The following KIRREL3 variants were observed in gnomAD, a reference collection of about 807,000 sequenced individuals.
The protein encoded by KIRREL3 is kin of IRRE-like protein 3.
A neutral mutation model predicts 89.7 loss-of-function variants in KIRREL3; 36 were observed. That is an observed-to-expected ratio of 0.40 (90% confidence interval 0.31 to 0.53). KIRREL3 has a LOEUF of 0.53. Ranked by LOEUF, KIRREL3 falls within the 20% of genes least tolerant of loss-of-function variation. The pLI, the probability that KIRREL3 is intolerant of heterozygous loss-of-function variation, is 0.49. For missense variants in KIRREL3, 864 were observed against 1,056.6 expected (o/e 0.82, Z 2.53); for synonymous variants, 445 against 441.4 (o/e 1.01, Z -0.10).
In KIRREL3 at chr11:126,531,812, CT is replaced by C. The variant is rs537516421; in HGVS notation, c.134-5126del. On this transcript the variant is annotated intron_variant, in intron 2 of 16. Coordinates refer to ENST00000525144, the MANE Select transcript of KIRREL3 (RefSeq NM_032531.4). The surrounding 1 kb of genome is among the most constrained non-coding windows in gnomAD (Gnocchi z 4.7). Reference sequence around the variant, plus strand: ...TCTTGAGGGCAGGGGCCACAGCTATCTTTTCTGTCTTGTGTTCCCAGCTGTG... The same window carrying C: ...TCTTGAGGGCAGGGGCCACAGCTATCTTTCTGTCTTGTGTTCCCAGCTGTG... 5.4e-4 allele frequency among the ~76,000 whole-genome samples: 82 copies of C among 152,356 alleles called. 1 individual carries two copies. In the South Asian group the frequency reaches 0.017, roughly 31 times the overall value.
Position 126,566,372 on chromosome 11 carries a change from T to C in KIRREL3, c.56-3460A>G, listed in dbSNP as rs1342600581. Among the ~76,000 whole-genome samples the C allele has an allele frequency of 1.3e-5, 2 of 152,174 alleles. No homozygotes were observed. The highest frequency in any genetic ancestry group is 2.9e-5 in the Non-Finnish European group (2 of 68,026). Reference sequence around the variant, plus strand: ...CTCTGGACTCTGAGCAACTGAAGTGTCAGGACTGTGCCTTCTCCTGCTCTG... The same window carrying C: ...CTCTGGACTCTGAGCAACTGAAGTGCCAGGACTGTGCCTTCTCCTGCTCTG... On this transcript the variant is annotated intron_variant, in intron 1 of 16. Coordinates refer to ENST00000525144, the MANE Select transcript of KIRREL3 (RefSeq NM_032531.4). The surrounding 1 kb of genome is among the most constrained non-coding windows in gnomAD (Gnocchi z 4.9).
Position 126,424,481 on chromosome 11 carries a change from C to T in KIRREL3, c.*99G>A, listed in dbSNP as rs540686481. The T allele has an allele frequency of 5.1e-6, 6 of 1,176,108 alleles. No individual in the cohort carries two copies. The South Asian group carries it at 8.8e-5, about 17-fold the overall frequency. The allele number at this position is 1,176,108 out of a possible 1,614,324, so 72.9% of individuals were successfully genotyped here. A position where few individuals can be genotyped will look rare whatever the true frequency, so the allele number is the denominator to read the frequency against. Reference sequence around the variant, plus strand: ...CGCTGGGAGGCTGTCCTGGAAGTGGCCAATTCTGGTGTCCTCTGCAAAGTA... The same window carrying T: ...CGCTGGGAGGCTGTCCTGGAAGTGGTCAATTCTGGTGTCCTCTGCAAAGTA... On this transcript the variant is annotated 3_prime_UTR_variant, in exon 17 of 17. Transcript: ENST00000525144.
In KIRREL3 at chr11:126,521,098, T is replaced by C. The variant is rs941525067; in HGVS notation, c.433+217A>G. ...CACGCCGGGGTTGGACTGAGTCCGC[T>C]GGCATTGGCTGTCTGGTTTACTAGG... On this transcript the variant is annotated intron_variant, in intron 4 of 16. Coordinates refer to ENST00000525144, the MANE Select transcript of KIRREL3 (RefSeq NM_032531.4). This position sits in a 1 kb window ranked among gnomAD's most constrained non-coding sequence, Gnocchi z 4.1. Among the ~76,000 whole-genome samples the C allele has an allele frequency of 6.6e-6, 1 of 152,248 alleles. No homozygotes were observed. The highest frequency in any genetic ancestry group is 2.4e-5 in the African/African-American group (1 of 41,468).
chr11:126,458,668 T>G (rs1007151621), intron 6 of KIRREL3, among the ~76,000 whole-genome samples: 1 of 152,142 alleles, frequency 6.6e-6, no homozygotes, highest in Non-Finnish European at 1.5e-5. Flanking sequence ...TCCCACATTT[T>G]CCCTAGTTCC....
chr11:126,699,992 G>A (rs905810791), intron 1 of KIRREL3, among the ~76,000 whole-genome samples: 17 of 151,990 alleles, frequency 1.1e-4, no homozygotes, highest in African/African-American at 3.9e-4. Context: ...TCTGGGGTTC[G>A]AGACCAGCCC....
Position 126,983,142 on chromosome 11 carries a change from C to A in KIRREL3, c.55+17313G>T, listed in dbSNP as rs577011289. Among the ~76,000 whole-genome samples, 1 of 152,110 alleles carries A rather than the reference C, an allele frequency of 6.6e-6. No individual in the cohort carries two copies. Among genetic ancestry groups the A allele is most frequent in the South Asian group, 2.1e-4 (1 of 4,800 alleles). ...CCCCATAGATATACATGGGGAAGGT[C>A]ATTTTTTCTAACTTATAAGTAGTGA... On this transcript the variant is annotated intron_variant, in intron 1 of 16. Transcript: ENST00000525144. This position sits in a 1 kb window ranked among gnomAD's most constrained non-coding sequence, Gnocchi z 4.9.
At position 126,694,361 on chromosome 11, in the gene KIRREL3, G is replaced by T. The variant is rs1947002151; in HGVS notation, c.56-131449C>A. On this transcript the variant is annotated intron_variant, in intron 1 of 16. Coordinates refer to ENST00000525144, the MANE Select transcript of KIRREL3 (RefSeq NM_032531.4). The surrounding 1 kb of genome is among the most constrained non-coding windows in gnomAD (Gnocchi z 4.4). ...ATTGTATCCTAGTGAGCGTGCACCG[G>T]AGTTGTGTCTCCCCTGGCTGTGGGG... Among the ~76,000 whole-genome samples, 1 of 152,176 alleles carries T rather than the reference G, an allele frequency of 6.6e-6. No individual in the cohort carries two copies. The highest frequency in any genetic ancestry group is 2.1e-4 in the South Asian group (1 of 4,826).
chr11:126,446,677 G>A lies in KIRREL3; in HGVS notation c.1125+82C>T, dbSNP rs528934473. The stretch of plus-strand genomic sequence containing the variant: ...TGACTCCCCCAGTCTAATAGTGAGA[G>A]GGGCCTGGGCAGCAGTTCCTTCTTG... On this transcript the variant is annotated intron_variant, in intron 9 of 16. Transcript: ENST00000525144. The A allele has an allele frequency of 4.1e-5, 58 of 1,417,644 alleles. No individual in the cohort carries two copies. In the East Asian group the frequency reaches 1.4e-3, roughly 35 times the overall value. The allele number at this position is 1,417,644 out of a possible 1,614,324, so 87.8% of individuals were successfully genotyped here.
chr11:126,498,796 C>A lies in KIRREL3; in HGVS notation c.433+22519G>T, dbSNP rs35285069. On this transcript the variant is annotated intron_variant, in intron 4 of 16. Transcript: ENST00000525144. This position sits in a 1 kb window ranked among gnomAD's most constrained non-coding sequence, Gnocchi z 4.3. ...GTTGAGTCCCCCTCCCACAGGAGCA[C>A]CTGCGTGGGCCCTCAGTAAATGCCA... Among the ~76,000 whole-genome samples, 8,631 of 152,246 alleles carry A rather than the reference C, an allele frequency of 0.057. 275 individuals are homozygous for A. The highest frequency in any genetic ancestry group is 0.16 in the South Asian group (759 of 4,822).
At chr11:126,692,630 T>C (rs1946925521) in intron 1 of KIRREL3, among the ~76,000 whole-genome samples, 1 of 142,582 alleles carries the variant, frequency 7.0e-6, no homozygotes, top group Admixed American at 7.0e-5. Context: ...AAATATAGCA[T>C]ATACATACAA....
rs144170552 is a variant in KIRREL3 at position 126,789,242 on chromosome 11, T to C, written c.55+211213A>G. On this transcript the variant is annotated intron_variant, in intron 1 of 16. Transcript: ENST00000525144. ...TTTCTCCTAAATTTAGTATTTCTCA[T>C]GACCAAAGCCAACCCTTGCCACGTG... Among the ~76,000 whole-genome samples the C allele has an allele frequency of 5.8e-3, 886 of 152,300 alleles. 5 individuals carry two copies. Among genetic ancestry groups the C allele is most frequent in the African/African-American group, 0.019 (804 of 41,558 alleles).
intron 1 of KIRREL3, among the ~76,000 whole-genome samples, chr11:126,927,919 G>A (rs575767873): frequency 4.0e-4 from 61 of 152,300 alleles, no homozygotes; most frequent in Non-Finnish European, 6.3e-4. Flanking sequence ...GGGATCTACA[G>A]TTTTAAATAG....
At chr11:126,849,674 G>A (rs7111405) in intron 1 of KIRREL3, among the ~76,000 whole-genome samples, 129,099 of 152,122 alleles carry the variant, frequency 0.85, 54,985 homozygotes, top group East Asian at 1. Context: ...TTGACTAAAG[G>A]GCGGTGGGGA....
rs929351840 is a variant in KIRREL3, at chr11:126,423,507, CCCTAA to C, written c.*1068_*1072del. The stretch of plus-strand genomic sequence containing the variant: ...CAGAACAAACATGTTGGAGTAGTGT[CCCTAA>C]CATTTATTTCAGGTGGTGACTAGGA... On this transcript the variant is annotated 3_prime_UTR_variant, in exon 17 of 17. Coordinates refer to ENST00000525144, the MANE Select transcript of KIRREL3 (RefSeq NM_032531.4). The C allele has an allele frequency of 1.1e-4, 16 of 152,076 alleles. No individual in the cohort carries two copies. The highest frequency in any genetic ancestry group is 3.3e-4 in the Admixed American group (5 of 15,264). The allele number at this position is 152,076 out of a possible 1,614,324, so 9.4% of individuals were successfully genotyped here.
Position 126,872,996 on chromosome 11 carries a change from T to C in KIRREL3, c.55+127459A>G, listed in dbSNP as rs1195056570. Among the ~76,000 whole-genome samples, 1 of 152,322 alleles carries C rather than the reference T, an allele frequency of 6.6e-6. No homozygotes were observed. Among genetic ancestry groups the C allele is most frequent in the African/African-American group, 2.4e-5 (1 of 41,580 alleles). ...AGCCTGCTCCCTCAATGGTTATACA[T>C]TCTGGCACAGAAATTAACAAATTCC... On this transcript the variant is annotated intron_variant, in intron 1 of 16. Transcript: ENST00000525144. The surrounding 1 kb of genome is among the most constrained non-coding windows in gnomAD (Gnocchi z 4.2).
At chr11:126,613,893 T>TTTTTTTTTG (rs371748740) in intron 1 of KIRREL3, among the ~76,000 whole-genome samples, 21 of 118,640 alleles carry the variant, frequency 1.8e-4, no homozygotes, top group African/African-American at 3.4e-4. Flanking sequence ...TTTTTTTTTT[T>TTTTTTTTTG]ATTTTTTTCC....
At chr11:126,951,700 G>T (rs1473529022) in intron 1 of KIRREL3, among the ~76,000 whole-genome samples, 2 of 152,190 alleles carry the variant, frequency 1.3e-5, no homozygotes, top group Non-Finnish European at 2.9e-5. Flanking sequence ...ATTAAGCGAA[G>T]ACAGCTGTGG....
At chr11:126,660,930 T>C (rs928100623) in intron 1 of KIRREL3, among the ~76,000 whole-genome samples, 5 of 152,270 alleles carry the variant, frequency 3.3e-5, no homozygotes, top group African/African-American at 1.2e-4. Context: ...GAGGATGAGA[T>C]AGAGGCCAAT....
intron 1 of KIRREL3, among the ~76,000 whole-genome samples, chr11:126,717,763 C>T (rs927480472): frequency 1.3e-5 from 2 of 152,150 alleles, no homozygotes; most frequent in African/African-American, 2.4e-5. Flanking sequence ...TATTTTCTGC[C>T]GAGCCTCAGC....
Sources: gnomAD v4.1 joint callset for allele counts (sites outside exome capture counted in the v4.1 genomes callset) on GRCh38, gnomAD v4.1.1 for gene constraint, Gnocchi (gnomAD v3.1) non-coding constraint, MANE v1.5 for transcripts, NCBI Gene and HGNC (gene_info 2026-07-23, HGNC 2026-07-21) for gene names.